The following ANO2 variants were observed in gnomAD, a reference collection of about 807,000 sequenced individuals.
ANO2 encodes the protein anoctamin 2, also known as anoctamin-2.
Under a neutral mutation model 124.2 loss-of-function variants are expected in ANO2, and 101 were observed. That is an observed-to-expected ratio of 0.81 (90% CI 0.69 to 0.96). ANO2 has a LOEUF of 0.96. Among genes scored for constraint, ANO2 ranks in the 40% least tolerant of loss-of-function variants. The pLI is 0.00. For missense variants in ANO2, 1,293 were observed against 1,274.5 expected (o/e 1.01, Z -0.22); for synonymous variants, 486 against 482.5 (o/e 1.01, Z -0.09).
At chr12:5,827,937 G>A (rs1405575927) in intron 6 of ANO2, 117 bp from the exon 7 acceptor site, 3 of 1,123,856 alleles carry the variant, frequency 2.7e-6, no homozygotes, top group Non-Finnish European at 3.8e-6. Flanking sequence ...TTGGAGCCAG[G>A]ACGAAGCCAA....
At chr12:5,677,776 A>T (rs1339376755) in intron 14 of ANO2, among the ~76,000 whole-genome samples, 1 of 152,132 alleles carries the variant, frequency 6.6e-6, no homozygotes, top group Non-Finnish European at 1.5e-5. Flanking sequence ...AAGAGAAAAG[A>T]AGCATTTGTC....
chr12:5,707,488 T>A (rs1346708230), intron 14 of ANO2, among the ~76,000 whole-genome samples: 1 of 151,770 alleles, frequency 6.6e-6, no homozygotes, highest in African/African-American at 2.4e-5. Context: ...TTAGGTAGGA[T>A]GGGTCCATAG....
intron 10 of ANO2, among the ~76,000 whole-genome samples, chr12:5,786,319 C>T (rs1952538074): frequency 6.6e-6 from 1 of 152,178 alleles, no homozygotes; most frequent in Non-Finnish European, 1.5e-5. Flanking sequence ...TGTAAGTAGA[C>T]CCACCTAGAG....
intron 14 of ANO2, among the ~76,000 whole-genome samples, chr12:5,730,808 A>G (rs1033016502): frequency 1.3e-5 from 2 of 152,166 alleles, no homozygotes; most frequent in African/African-American, 4.8e-5. Flanking sequence ...TTTATCTTAC[A>G]CTACTCATTT....
At chr12:5,728,350 T>C (rs1187906549) in intron 14 of ANO2, among the ~76,000 whole-genome samples, 1 of 152,182 alleles carries the variant, frequency 6.6e-6, no homozygotes, top group African/African-American at 2.4e-5. Flanking sequence ...TATATTTCTA[T>C]ATACTGGCAG....
rs919755924 is a variant in ANO2, at chr12:5,579,559, G to A, written c.2234-1041C>T. Among the ~76,000 whole-genome samples, 4 of 152,264 alleles carry A rather than the reference G, an allele frequency of 2.6e-5. No homozygotes were observed. The East Asian group carries it at 5.8e-4, about 22-fold the overall frequency. On this transcript the variant is annotated intron_variant, in intron 20 of 24. Coordinates refer to ENST00000682330, the MANE Select transcript of ANO2 (RefSeq NM_001364791.2). ...TGGACCATTGCAACAGCCTCCTGACGGGGTTTCTTGTCACCATTCTCCCAG... is the reference window on the plus strand; with the variant it reads ...TGGACCATTGCAACAGCCTCCTGACAGGGTTTCTTGTCACCATTCTCCCAG...
At chr12:5,583,966 T>C (rs1942932583) in intron 20 of ANO2, 1 of 234,606 alleles carries the variant, frequency 4.3e-6, no homozygotes, top group Non-Finnish European at 9.4e-6. Context: ...CGGAGCACCA[T>C]GCATGAAAGT....
chr12:5,894,624 A>G lies in ANO2; in HGVS notation c.534+26416T>C, dbSNP rs571566998. 5.4e-3 allele frequency among the ~76,000 whole-genome samples: 825 copies of G among 152,106 alleles called. 6 individuals are homozygous for G. The highest frequency in any genetic ancestry group is 0.019 in the African/African-American group (801 of 41,514). Reference sequence around the variant, plus strand: ...TCTTCTAGGGTTTTTATAGTTTTAGATCTTACGTTTAAGTCTTTAGTCCAT... The same window carrying G: ...TCTTCTAGGGTTTTTATAGTTTTAGGTCTTACGTTTAAGTCTTTAGTCCAT... On this transcript the variant is annotated intron_variant, in intron 3 of 24. Coordinates refer to ENST00000682330, the MANE Select transcript of ANO2 (RefSeq NM_001364791.2).
intron 12 of ANO2, among the ~76,000 whole-genome samples, chr12:5,742,193 T>C (rs1043158698): frequency 3.3e-5 from 5 of 152,080 alleles, no homozygotes; most frequent in Admixed American, 6.5e-5. Flanking sequence ...TTCCCAGCCT[T>C]ATTCCCAGCA....
chr12:5,879,271 T>A (rs12049984), intron 3 of ANO2, among the ~76,000 whole-genome samples: 70,363 of 152,092 alleles, frequency 0.46, 16,530 homozygotes, highest in South Asian at 0.59. Flanking sequence ...GAAGGGACTG[T>A]ACTCAAGCCC....
intron 4 of ANO2, among the ~76,000 whole-genome samples, chr12:5,838,064 T>G (rs1346515268): frequency 6.6e-6 from 1 of 152,178 alleles, no homozygotes. Context: ...TGATGCAGAT[T>G]TCTAACCCAT....
At chr12:5,753,923 T>C (rs1035262066) in intron 10 of ANO2, among the ~76,000 whole-genome samples, 1 of 152,170 alleles carries the variant, frequency 6.6e-6, no homozygotes, top group African/African-American at 2.4e-5. Context: ...CCACGTTGAA[T>C]GTGAGAGGTA....
chr12:5,810,425 A>AT (rs1470266176), intron 7 of ANO2, among the ~76,000 whole-genome samples: 2 of 152,108 alleles, frequency 1.3e-5, no homozygotes, highest in East Asian at 1.9e-4. Flanking sequence ...TGAAATTCTG[A>AT]TTTTTTTCTT....
At chr12:5,792,921 G>T (rs1952738476) in intron 10 of ANO2, among the ~76,000 whole-genome samples, 1 of 152,168 alleles carries the variant, frequency 6.6e-6, no homozygotes, top group South Asian at 2.1e-4. Context: ...CTGCTTCAGT[G>T]AGGTGTATGT....
At chr12:5,582,787 A>G (rs1349006202) in intron 20 of ANO2, among the ~76,000 whole-genome samples, 2 of 152,182 alleles carry the variant, frequency 1.3e-5, no homozygotes, top group African/African-American at 2.4e-5. Context: ...GCCTTGGTAC[A>G]TGCCACTACT....
At chr12:5,888,666 G>A (rs1178287092) in intron 3 of ANO2, among the ~76,000 whole-genome samples, 3 of 152,184 alleles carry the variant, frequency 2.0e-5, no homozygotes, top group African/African-American at 7.2e-5. Flanking sequence ...TAGATACAGA[G>A]TGCCGACTGG....
chr12:5,565,785 G>T, intron 23 of ANO2, 122 bp from the exon 24 acceptor site: 3 of 735,004 alleles, frequency 4.1e-6, no homozygotes, highest in South Asian at 2.1e-5. Context: ...GCATTGACTT[G>T]AGAAGCAGGG....
intron 3 of ANO2, among the ~76,000 whole-genome samples, chr12:5,866,214 G>A (rs1955423544): frequency 6.6e-6 from 1 of 152,192 alleles, no homozygotes; most frequent in South Asian, 2.1e-4. Context: ...CCTTCCGTCA[G>A]ACTCTGGGGG....
chr12:5,859,960 A>G (rs74059022), intron 3 of ANO2, among the ~76,000 whole-genome samples: 2,634 of 152,270 alleles, frequency 0.017, 69 homozygotes, highest in African/African-American at 0.056. Context: ...TGCCCTGCCC[A>G]GTCTGCTGAC....
Sources: gnomAD v4.1 joint callset for allele counts (sites outside exome capture counted in the v4.1 genomes callset) on GRCh38, gnomAD v4.1.1 for gene constraint, MANE v1.5 for transcripts, NCBI Gene and HGNC (gene_info 2026-07-23, HGNC 2026-07-21) for gene names.